FAF1: variants seen among roughly 807,000 people sequenced by gnomAD.
FAF1 encodes the protein FAS-associated factor 1.
In FAF1, 25 loss-of-function variants were observed where a neutral mutation model predicts 92.5. The ratio of observed to expected loss-of-function variants is 0.27; its 90% CI spans 0.20 to 0.38. The LOEUF (loss-of-function observed/expected upper bound fraction) is 0.38. Ranked by LOEUF, FAF1 falls within the 10% of genes least tolerant of loss-of-function variation. FAF1 has a pLI of 1.00. For missense variants in FAF1, 636 were observed against 793.3 expected (o/e 0.80, Z 2.38); for synonymous variants, 234 against 273.2 (o/e 0.86, Z 1.42).
intron 8 of FAF1, among the ~76,000 whole-genome samples, chr1:50,639,524 T>C (rs1216379151): frequency 6.6e-6 from 1 of 152,266 alleles, no homozygotes; most frequent in East Asian, 1.9e-4. Context: ...CATTGGTTGA[T>C]GTTCCAATGT....
Position 50,698,574 on chromosome 1 carries a change from C to A in FAF1, c.657+7212G>T, listed in dbSNP as rs978075229. On this transcript the variant is annotated intron_variant, in intron 7 of 18. Transcript: ENST00000396153. The stretch of plus-strand genomic sequence containing the variant: ...TACCTTTATTTTAAATGGTCTGCTG[C>A]AAAAAATTTTTTGCAGTGAGTTTTT... Among the ~76,000 whole-genome samples, 3 of 151,988 alleles carry A rather than the reference C, an allele frequency of 2.0e-5. No homozygotes were observed. The East Asian group carries it at 5.8e-4, about 29-fold the overall frequency.
In FAF1 at chr1:50,485,684, A is replaced by C. The variant is rs1457013702; in HGVS notation, c.1653+4904T>G. ...GACTGTCTCAAAAAAAAAAAAAAAAAAAAAAAAAAAAACCAAAAAAACAAA... is the reference window on the plus strand; with the variant it reads ...GACTGTCTCAAAAAAAAAAAAAAAACAAAAAAAAAAAACCAAAAAAACAAA... On this transcript the variant is annotated intron_variant, in intron 17 of 18. Transcript: ENST00000396153. Among the ~76,000 whole-genome samples, 14 of 147,994 alleles carry C rather than the reference A, an allele frequency of 9.5e-5. 1 individual carries two copies. The East Asian group carries it at 1.5e-3, about 16-fold the overall frequency.
At chr1:50,929,561 C>G (rs1310393715) in intron 1 of FAF1, among the ~76,000 whole-genome samples, 1 of 152,158 alleles carries the variant, frequency 6.6e-6, no homozygotes, top group Non-Finnish European at 1.5e-5. Context: ...CTTACATTAT[C>G]TTTTCTATCC....
chr1:50,668,857 A>G (rs964202228), intron 7 of FAF1, among the ~76,000 whole-genome samples: 1 of 152,184 alleles, frequency 6.6e-6, no homozygotes, highest in Non-Finnish European at 1.5e-5. Context: ...ATTTAACCAC[A>G]TGATTCATTA....
At chr1:50,837,080 C>T (rs926146715) in intron 2 of FAF1, among the ~76,000 whole-genome samples, 1 of 150,798 alleles carries the variant, frequency 6.6e-6, no homozygotes, top group Non-Finnish European at 1.5e-5. Context: ...GCCTCAGCCT[C>T]CCGAGTAGCT....
intron 15 of FAF1, among the ~76,000 whole-genome samples, chr1:50,492,620 A>C (rs1428224908): frequency 6.6e-6 from 1 of 152,206 alleles, no homozygotes; most frequent in African/African-American, 2.4e-5. Flanking sequence ...TCTACACTAG[A>C]GTGTAGGTTC....
At chr1:50,736,563 A>T (rs144618410) in intron 6 of FAF1, among the ~76,000 whole-genome samples, 4,599 of 152,256 alleles carry the variant, frequency 0.03, 241 homozygotes, top group African/African-American at 0.11. Context: ...CAGCCTGTCC[A>T]ACATGGTGAA....
rs113738137 is a variant in FAF1, at chr1:50,882,527, G to A, written c.46-24530C>T. Among the ~76,000 whole-genome samples, 237 of 151,950 alleles carry A rather than the reference G, an allele frequency of 1.6e-3. 2 individuals carry two copies. Among genetic ancestry groups the A allele is most frequent in the African/African-American group, 5.3e-3 (219 of 41,434 alleles). ...TGAGGCAGAAGAATGGCTTGAGCCC[G>A]AGAGGCAGAGGTTGTGGTCAGCCAA... On this transcript the variant is annotated intron_variant, in intron 1 of 18. Coordinates refer to ENST00000396153, the MANE Select transcript of FAF1 (RefSeq NM_007051.3).
chr1:50,628,774 T>C (rs767062370), intron 8 of FAF1, among the ~76,000 whole-genome samples: 14 of 152,182 alleles, frequency 9.2e-5, no homozygotes, highest in Non-Finnish European at 1.9e-4. Flanking sequence ...CCACAATGTG[T>C]AGCATGCTCA....
At chr1:50,733,407 C>T (rs1659010294) in intron 6 of FAF1, among the ~76,000 whole-genome samples, 1 of 152,090 alleles carries the variant, frequency 6.6e-6, no homozygotes, top group Non-Finnish European at 1.5e-5. Context: ...ACACTTAATC[C>T]CTGGGCTCCA....
intron 14 of FAF1, among the ~76,000 whole-genome samples, chr1:50,536,292 G>T (rs1648477205): frequency 6.6e-6 from 1 of 152,084 alleles, no homozygotes. Context: ...TTAAGTCATT[G>T]TTATTTGCTT....
At chr1:50,772,793 C>A (rs1339804928) in intron 4 of FAF1, among the ~76,000 whole-genome samples, 2 of 152,118 alleles carry the variant, frequency 1.3e-5, no homozygotes, top group Non-Finnish European at 2.9e-5. Flanking sequence ...GCACACCATA[C>A]CCCAGTGACA....
chr1:50,902,225 G>C (rs1336661087), intron 1 of FAF1, among the ~76,000 whole-genome samples: 2 of 152,100 alleles, frequency 1.3e-5, no homozygotes, highest in Non-Finnish European at 2.9e-5. Flanking sequence ...AAATTCTAAT[G>C]CTTTTAATAG....
At chr1:50,894,456 C>G (rs892190424) in intron 1 of FAF1, among the ~76,000 whole-genome samples, 1 of 152,002 alleles carries the variant, frequency 6.6e-6, no homozygotes, top group African/African-American at 2.4e-5. Flanking sequence ...AGAGCCAAGG[C>G]ATGGAGTCAG....
At chr1:50,704,627 CATT>C (rs1309639937) in intron 7 of FAF1, among the ~76,000 whole-genome samples, 2 of 151,852 alleles carry the variant, frequency 1.3e-5, no homozygotes, top group African/African-American at 2.4e-5. Flanking sequence ...ATAAAATACT[CATT>C]ATGGAGGTTG....
At chr1:50,941,457 TC>T (rs917302119) in intron 1 of FAF1, among the ~76,000 whole-genome samples, 14 of 152,278 alleles carry the variant, frequency 9.2e-5, no homozygotes, top group African/African-American at 3.1e-4. Flanking sequence ...TCTCAAGTGA[TC>T]CACCCATCTC....
chr1:50,958,646 C>A (rs1442557683), intron 1 of FAF1, among the ~76,000 whole-genome samples: 1 of 151,404 alleles, frequency 6.6e-6, no homozygotes, highest in Non-Finnish European at 1.5e-5. Flanking sequence ...CCACTGCACT[C>A]CAGCCTGGGC....
intron 4 of FAF1, among the ~76,000 whole-genome samples, chr1:50,776,602 C>T (rs1171407982): frequency 6.6e-6 from 1 of 151,582 alleles, no homozygotes; most frequent in African/African-American, 2.4e-5. Context: ...ACTATTCACT[C>T]ACATGAAACA....
At chr1:50,756,186 A>ATGCC (rs1399833769) in intron 4 of FAF1, among the ~76,000 whole-genome samples, 1 of 152,154 alleles carries the variant, frequency 6.6e-6, no homozygotes, top group Non-Finnish European at 1.5e-5. Context: ...ATAAAACTGA[A>ATGCC]TGCCTTTAAC....
Sources: allele counts gnomAD v4.1 joint callset (sites outside exome capture counted in the v4.1 genomes callset), GRCh38; gene constraint gnomAD v4.1.1; transcripts MANE v1.5; gene names NCBI Gene and HGNC (gene_info 2026-07-23, HGNC 2026-07-21).